Variants in DNAH14 observed in about 807,000 individuals in gnomAD.
DNAH14 encodes the protein dynein axonemal heavy chain 14, also known as axonemal beta dynein heavy chain 14.
Under a neutral mutation model 520.9 loss-of-function variants are expected in DNAH14, and 478 were observed. The observed-to-expected ratio is 0.92, with a 90% confidence interval of 0.85 to 0.99. The LOEUF is 0.99. Among genes scored for constraint, DNAH14 ranks in the 50% least tolerant of loss-of-function variants. DNAH14 has a pLI of 0.00. For synonymous variants in DNAH14, 1,581 were observed against 1,757.2 expected (o/e 0.90, Z 2.51); for missense variants, 4,831 against 5,234.5 (o/e 0.92, Z 2.38).
In DNAH14 at chr1:225,136,426, C is replaced by T. The variant is rs114845204; in HGVS notation, c.4255-4342C>T. Among the ~76,000 whole-genome samples, 1,086 of 152,114 alleles carry T rather than the reference C, an allele frequency of 7.1e-3. 9 individuals carry two copies. Among genetic ancestry groups the T allele is most frequent in the African/African-American group, 0.024 (1,016 of 41,506 alleles). On this transcript the variant is annotated intron_variant, in intron 27 of 85. Coordinates refer to ENST00000682510, the MANE Select transcript of DNAH14 (RefSeq NM_001367479.1). ...CTTTGCTTATGAAGCTTAGTTTGGCCGGATATGAAATTCTGGACTGGAAAT... is the reference window on the plus strand; with the variant it reads ...CTTTGCTTATGAAGCTTAGTTTGGCTGGATATGAAATTCTGGACTGGAAAT...
intron 15 of DNAH14, 62 bp from the exon 16 acceptor site, chr1:225,050,148 A>C (rs2501086): frequency 0.92 from 1,288,279 of 1,401,812 alleles, 601,865 homozygotes; most frequent in Non-Finnish European, 0.96. Flanking sequence ...GTCATGGATA[A>C]TTTTGAAGTG....
intron 17 of DNAH14, among the ~76,000 whole-genome samples, chr1:225,053,392 C>G (rs12038394): frequency 0.33 from 50,807 of 152,042 alleles, 10,125 homozygotes; most frequent in East Asian, 0.54. Flanking sequence ...AGAAAAGGGC[C>G]TAGTAAGCCA....
intron 44 of DNAH14, among the ~76,000 whole-genome samples, chr1:225,257,703 T>C (rs1453911146): frequency 6.6e-6 from 1 of 151,912 alleles, no homozygotes; most frequent in African/African-American, 2.4e-5. Context: ...ACCCGGCTAA[T>C]TTTTTGTATT....
chr1:225,001,803 CAT>C (rs2063792999), intron 8 of DNAH14, among the ~76,000 whole-genome samples: 1 of 152,098 alleles, frequency 6.6e-6, no homozygotes. Flanking sequence ...TGATGTGCCA[CAT>C]GTCTTTAGCA....
In DNAH14 at chr1:225,146,791, G is replaced by A. The variant is rs138894119; in HGVS notation, c.4795-313G>A. Reference sequence around the variant, plus strand: ...CAGGGTGCAGCTGTGTGAGGGAAATGGCTGTCCAGGGAGGGATCTGGTACA... The same window carrying A: ...CAGGGTGCAGCTGTGTGAGGGAAATAGCTGTCCAGGGAGGGATCTGGTACA... On this transcript the variant is annotated intron_variant, in intron 30 of 85. Transcript: ENST00000682510. 1.1e-4 allele frequency among the ~76,000 whole-genome samples: 16 copies of A among 152,370 alleles called. No homozygotes were observed. The East Asian group carries it at 3.1e-3, about 29-fold the overall frequency.
chr1:225,238,083 C>G (rs904234415), intron 42 of DNAH14, among the ~76,000 whole-genome samples: 1 of 152,160 alleles, frequency 6.6e-6, no homozygotes, highest in African/African-American at 2.4e-5. Flanking sequence ...CAGCAAAGTT[C>G]ATTATTACCC....
intron 7 of DNAH14, 56 bp from the exon 8 acceptor site, chr1:224,974,035 T>A (rs2061658086): frequency 8.5e-7 from 1 of 1,178,636 alleles, no homozygotes; most frequent in African/African-American, 1.6e-5. Flanking sequence ...CTAAATTTAT[T>A]CCATATAAAT....
intron 15 of DNAH14, among the ~76,000 whole-genome samples, chr1:225,046,228 T>C (rs1183561357): frequency 6.6e-6 from 1 of 151,946 alleles, no homozygotes; most frequent in African/African-American, 2.4e-5. Context: ...TTATTTTCTT[T>C]TGCAATTTAC....
intron 55 of DNAH14, among the ~76,000 whole-genome samples, chr1:225,297,710 G>T (rs915231674): frequency 2.0e-5 from 3 of 152,242 alleles, no homozygotes; most frequent in African/African-American, 7.2e-5. Flanking sequence ...TTTGCTGGAG[G>T]TGGGCTCACC....
chr1:225,067,149 GT>G (rs2070988336), intron 17 of DNAH14, among the ~76,000 whole-genome samples: 1 of 152,072 alleles, frequency 6.6e-6, no homozygotes, highest in Admixed American at 6.5e-5. Context: ...CCCAGTGTGT[GT>G]TGTTCCCCTC....
chr1:225,218,581 G>T (rs1290935105), intron 41 of DNAH14, among the ~76,000 whole-genome samples: 2 of 152,000 alleles, frequency 1.3e-5, no homozygotes, highest in African/African-American at 4.8e-5. Flanking sequence ...TTACATAATG[G>T]TAAAGGGATC....
At chr1:225,109,062 C>G in intron 23 of DNAH14, among the ~76,000 whole-genome samples, 1 of 152,092 alleles carries the variant, frequency 6.6e-6, no homozygotes, top group Non-Finnish European at 1.5e-5. Flanking sequence ...TCATTCTGTT[C>G]CACTGGTCTA....
intron 41 of DNAH14, among the ~76,000 whole-genome samples, chr1:225,210,740 C>T (rs778133440): frequency 6.6e-6 from 1 of 152,178 alleles, no homozygotes; most frequent in Non-Finnish European, 1.5e-5. Context: ...ACAAACACCT[C>T]ATACAGGAGA....
At chr1:224,935,471 T>TA (rs2058970923) in intron 1 of DNAH14, among the ~76,000 whole-genome samples, 1 of 151,606 alleles carries the variant, frequency 6.6e-6, no homozygotes, top group South Asian at 2.1e-4. Flanking sequence ...TCAAGAATAG[T>TA]AAAAAAGACA....
In DNAH14 at chr1:225,113,737, G is replaced by A. The variant is rs114845342; in HGVS notation, c.3868-3947G>A. Among the ~76,000 whole-genome samples the A allele has an allele frequency of 4.7e-3, 723 of 152,312 alleles. 4 individuals carry two copies. Among genetic ancestry groups the A allele is most frequent in the African/African-American group, 0.016 (678 of 41,566 alleles). On this transcript the variant is annotated intron_variant, in intron 23 of 85. Coordinates refer to ENST00000682510, the MANE Select transcript of DNAH14 (RefSeq NM_001367479.1). ...CTTCCCTTCCCTTTCCACAGGCAGA[G>A]GAGTCTTTCTCCATGGCCCTCACCA...
At chr1:225,344,154 T>G (rs928249399) in intron 69 of DNAH14, among the ~76,000 whole-genome samples, 4 of 152,134 alleles carry the variant, frequency 2.6e-5, no homozygotes, top group African/African-American at 9.7e-5. Context: ...TGAAAAAAAC[T>G]AAATTAAGAG....
At chr1:225,041,751 A>G (rs2067500816) in intron 12 of DNAH14, among the ~76,000 whole-genome samples, 1 of 152,154 alleles carries the variant, frequency 6.6e-6, no homozygotes, top group Non-Finnish European at 1.5e-5. Context: ...ATTTAAATGC[A>G]GTAATATTAG....
chr1:225,367,895 G>GA lies in DNAH14; in HGVS notation c.12185dup (p.Asn4062LysfsTer3). The GA allele has an allele frequency of 1.3e-6, 2 of 1,551,592 alleles. No homozygotes were observed. ...TGGAGAGGTAACAGAAGAGATATTT[G>GA]AAAATCCTGACTGTGGACAATGGTG... On this transcript the variant is annotated frameshift_variant, in exon 77 of 86. Coordinates refer to ENST00000682510, the MANE Select transcript of DNAH14 (RefSeq NM_001367479.1). LOFTEE classifies it high-confidence loss of function.
At chr1:225,185,684 G>A (rs2084614656) in intron 37 of DNAH14, among the ~76,000 whole-genome samples, 1 of 151,078 alleles carries the variant, frequency 6.6e-6, no homozygotes, top group Admixed American at 6.6e-5. Flanking sequence ...ATTGTTTTTA[G>A]GTATCAATTG....
Sources: allele counts gnomAD v4.1 joint callset (sites outside exome capture counted in the v4.1 genomes callset), GRCh38; gene constraint gnomAD v4.1.1; transcripts MANE v1.5; gene names NCBI Gene and HGNC (gene_info 2026-07-23, HGNC 2026-07-21).